The following SYNDIG1L variants were observed in gnomAD, a reference collection of about 807,000 sequenced individuals.
SYNDIG1L encodes synapse differentiation-inducing gene protein 1-like.
A neutral mutation model predicts 20.1 loss-of-function variants in SYNDIG1L; 13 were observed. That is an observed-to-expected ratio of 0.65 (90% CI 0.42 to 1.03). The LOEUF is 1.03. Among genes scored for constraint, SYNDIG1L ranks in the 50% least tolerant of loss-of-function variants. The pLI is 0.00. For missense variants in SYNDIG1L, 294 were observed against 305.1 expected (o/e 0.96, Z 0.27); for synonymous variants, 128 against 129.3 (o/e 0.99, Z 0.07).
the SYNDIG1L span, among the ~76,000 whole-genome samples, chr14:74,459,569 T>A: frequency 1.3e-5 from 2 of 152,326 alleles, no homozygotes; most frequent in South Asian, 4.1e-4. Context: ...TCTTACTTGC[T>A]GCTAAGCTCA....
the SYNDIG1L span, among the ~76,000 whole-genome samples, chr14:74,441,244 C>G: frequency 6.6e-6 from 1 of 152,168 alleles, no homozygotes; most frequent in Non-Finnish European, 1.5e-5. Flanking sequence ...ATCCAGGGAT[C>G]TCTTGCTCTC....
the SYNDIG1L span, among the ~76,000 whole-genome samples, chr14:74,452,179 C>T: frequency 6.6e-6 from 1 of 152,030 alleles, no homozygotes; most frequent in African/African-American, 2.4e-5. Flanking sequence ...CAATGAGATA[C>T]CACTATATTG....
intron 1 of SYNDIG1L, among the ~76,000 whole-genome samples, chr14:74,422,653 T>TCACACACACACACACACACACACA (rs34711949): frequency 2.1e-4 from 29 of 140,484 alleles, no homozygotes; most frequent in East Asian, 4.4e-4. Context: ...ATCTCTCTCT[T>TCACACACACACACACACACACACA]CACACACACA....
chr14:74,465,823 C>T, the SYNDIG1L span, among the ~76,000 whole-genome samples: 8 of 152,144 alleles, frequency 5.3e-5, no homozygotes, highest in African/African-American at 1.9e-4. Context: ...GGGGTCTTCA[C>T]TGGTTTTGGG....
chr14:74,478,230 T>A, the SYNDIG1L span, among the ~76,000 whole-genome samples: 7 of 152,244 alleles, frequency 4.6e-5, no homozygotes, highest in Non-Finnish European at 1.0e-4. Context: ...AATATGTATC[T>A]GTTTATGTAT....
At chr14:74,449,695 G>C in the SYNDIG1L span, among the ~76,000 whole-genome samples, 2 of 151,174 alleles carry the variant, frequency 1.3e-5, no homozygotes, top group East Asian at 3.9e-4. Context: ...AATGCCACTA[G>C]AGCAGTTAAA....
the SYNDIG1L span, among the ~76,000 whole-genome samples, chr14:74,446,641 T>C: frequency 2.0e-5 from 3 of 148,306 alleles, no homozygotes; most frequent in Non-Finnish European, 4.5e-5. Flanking sequence ...CTTTTTGAGA[T>C]GGAGTCTCAT....
At chr14:74,432,759 C>A in the SYNDIG1L span, among the ~76,000 whole-genome samples, 1 of 151,832 alleles carries the variant, frequency 6.6e-6, no homozygotes. Context: ...AAGGTTGAGG[C>A]AGGAGAATTG....
chr14:74,451,300 C>A, the SYNDIG1L span, among the ~76,000 whole-genome samples: 1 of 152,010 alleles, frequency 6.6e-6, no homozygotes, highest in South Asian at 2.1e-4. Flanking sequence ...GTGCAGAAAA[C>A]AATTAAGTGG....
chr14:74,425,398 A>C (rs1265512666), intron 1 of SYNDIG1L, among the ~76,000 whole-genome samples: 1 of 152,236 alleles, frequency 6.6e-6, no homozygotes, highest in African/African-American at 2.4e-5. Context: ...GGGTTAATCC[A>C]TCCTAAGGGG....
the SYNDIG1L span, among the ~76,000 whole-genome samples, chr14:74,436,583 T>A: frequency 4.0e-5 from 6 of 151,762 alleles, no homozygotes; most frequent in African/African-American, 9.7e-5. Context: ...GTGCAGTGGC[T>A]CACACGTGTA....
At chr14:74,459,450 G>A in the SYNDIG1L span, among the ~76,000 whole-genome samples, 1 of 152,334 alleles carries the variant, frequency 6.6e-6, no homozygotes, top group East Asian at 1.9e-4. Context: ...GTTGCAGTGA[G>A]TCCAGATTGT....
At chr14:74,463,263 C>CCCGG in the SYNDIG1L span, among the ~76,000 whole-genome samples, 1 of 152,230 alleles carries the variant, frequency 6.6e-6, no homozygotes, top group African/African-American at 2.4e-5. Context: ...GGCTCCTGTG[C>CCCGG]CCTCACAGGC....
the SYNDIG1L span, among the ~76,000 whole-genome samples, chr14:74,451,220 A>C: frequency 1.3e-5 from 2 of 152,242 alleles, no homozygotes; most frequent in East Asian, 3.8e-4. Flanking sequence ...GCATCAAGAC[A>C]GAAAAATAGT....
At chr14:74,453,049 A>G in the SYNDIG1L span, among the ~76,000 whole-genome samples, 2 of 152,142 alleles carry the variant, frequency 1.3e-5, no homozygotes, top group Non-Finnish European at 2.9e-5. Context: ...TAGTGACACA[A>G]AGAAGATCAG....
At chr14:74,420,569 G>C (rs1414454513) in intron 1 of SYNDIG1L, among the ~76,000 whole-genome samples, 1 of 151,978 alleles carries the variant, frequency 6.6e-6, no homozygotes, top group Non-Finnish European at 1.5e-5. Context: ...TGACTCCCAG[G>C]TTTCTGGCTT....
At chr14:74,468,439 C>T in the SYNDIG1L span, among the ~76,000 whole-genome samples, 1 of 152,020 alleles carries the variant, frequency 6.6e-6, no homozygotes, top group Non-Finnish European at 1.5e-5. Flanking sequence ...CTCATTTGAC[C>T]TTCCCTTTAC....
the SYNDIG1L span, among the ~76,000 whole-genome samples, chr14:74,435,304 T>A: frequency 6.6e-6 from 1 of 152,082 alleles, no homozygotes; most frequent in Non-Finnish European, 1.5e-5. Context: ...TGGACAAGCA[T>A]CAGGACATAA....
At chr14:74,477,794 C>A in the SYNDIG1L span, among the ~76,000 whole-genome samples, 3 of 152,166 alleles carry the variant, frequency 2.0e-5, no homozygotes, top group Non-Finnish European at 2.9e-5. Context: ...AGCTGAGCCT[C>A]CAAAACCTGC....
Sources: gnomAD v4.1 joint callset for allele counts (sites outside exome capture counted in the v4.1 genomes callset) on GRCh38, gnomAD v4.1.1 for gene constraint, MANE v1.5 for transcripts, NCBI Gene and HGNC (gene_info 2026-07-23, HGNC 2026-07-21) for gene names.